Variants in MYO16 observed in about 807,000 individuals in gnomAD.
MYO16 encodes the protein myosin XVI.
MYO16 carries 94 observed loss-of-function variants against 205.3 expected under a neutral mutation model. The observed-to-expected ratio is 0.46, with a 90% CI of 0.39 to 0.54. The LOEUF is 0.54. Among genes scored for constraint, MYO16 ranks in the 20% least tolerant of loss-of-function variants. The pLI is 0.00. For synonymous variants in MYO16, 988 were observed against 954.0 expected (o/e 1.04, Z -0.66); for missense variants, 2,315 against 2,387.5 (o/e 0.97, Z 0.63).
chr13:109,092,826 A>G (rs1024359153), intron 27 of MYO16, among the ~76,000 whole-genome samples: 1 of 152,216 alleles, frequency 6.6e-6, no homozygotes, highest in Non-Finnish European at 1.5e-5. Context: ...GTTCTGCTTT[A>G]TACTGGAAGG....
intron 32 of MYO16, among the ~76,000 whole-genome samples, chr13:109,145,672 T>C (rs576241475): frequency 6.6e-6 from 1 of 152,356 alleles, no homozygotes; most frequent in East Asian, 1.9e-4. Flanking sequence ...TATTTCTAGT[T>C]GCTTGGTTTC....
chr13:109,139,344 C>T (rs1210500765), intron 31 of MYO16, among the ~76,000 whole-genome samples: 1 of 152,342 alleles, frequency 6.6e-6, no homozygotes, highest in Non-Finnish European at 1.5e-5. Context: ...GGCCAGGTCT[C>T]CTGGGTTTCA....
chr13:108,798,226 GA>G (rs1555299775), intron 6 of MYO16, among the ~76,000 whole-genome samples: 4 of 53,962 alleles, frequency 7.4e-5, no homozygotes, highest in African/African-American at 8.2e-5. Context: ...GAGATAAGGA[GA>G]AGAAGACAGT....
At chr13:108,524,275 A>T in the MYO16 span, among the ~76,000 whole-genome samples, 397 of 151,640 alleles carry the variant, frequency 2.6e-3, 3 homozygotes, top group African/African-American at 8.9e-3. Flanking sequence ...ACTCCACTCC[A>T]GCCTCGGCAA....
chr13:108,839,826 C>G (rs1241770544), intron 9 of MYO16, among the ~76,000 whole-genome samples: 1 of 152,116 alleles, frequency 6.6e-6, no homozygotes, highest in Non-Finnish European at 1.5e-5. Context: ...TATCTCTCCT[C>G]CAGGGAACTC....
chr13:109,137,942 C>G (rs548758234), intron 31 of MYO16, among the ~76,000 whole-genome samples: 1 of 152,324 alleles, frequency 6.6e-6, no homozygotes, highest in African/African-American at 2.4e-5. Context: ...GCATCACATT[C>G]TAACATACTG....
Position 108,646,932 on chromosome 13 carries a change from T to G in MYO16, c.28+17060T>G, listed in dbSNP as rs143022453. Among the ~76,000 whole-genome samples the G allele has an allele frequency of 6.0e-3, 919 of 152,260 alleles. 5 individuals carry two copies. Among genetic ancestry groups the G allele is most frequent in the African/African-American group, 0.021 (892 of 41,550 alleles). ...TCTGTAAACTATTCCAGTTGCTTGA[T>G]GGACATTTCCTACTTGAAGCATTGT... On this transcript the variant is annotated intron_variant, in intron 1 of 34. Coordinates refer to ENST00000457511, the MANE Select transcript of MYO16 (RefSeq NM_001198950.3).
chr13:109,173,412 T>C (rs149292576), intron 33 of MYO16, among the ~76,000 whole-genome samples: 8 of 152,326 alleles, frequency 5.3e-5, no homozygotes, highest in Middle Eastern at 3.4e-3. Context: ...TTGCTAAGGA[T>C]GCTTCATAGA....
At chr13:108,872,263 C>A (rs1879106284) in intron 12 of MYO16, among the ~76,000 whole-genome samples, 2 of 152,016 alleles carry the variant, frequency 1.3e-5, no homozygotes, top group Admixed American at 1.3e-4. Flanking sequence ...TAAAAAATGA[C>A]TCTTATTTGG....
intron 3 of MYO16, 144 bp from the exon 4 acceptor site, chr13:108,727,296 G>C: frequency 1.3e-6 from 1 of 747,226 alleles, no homozygotes; most frequent in Non-Finnish European, 2.1e-6. Flanking sequence ...TGGTTAGTTG[G>C]GGAAATACAT....
intron 27 of MYO16, among the ~76,000 whole-genome samples, chr13:109,086,257 G>A (rs2139680156): frequency 6.6e-6 from 1 of 152,296 alleles, no homozygotes; most frequent in African/African-American, 2.4e-5. Context: ...ACAATGCCCA[G>A]CATTCTGTTC....
intron 4 of MYO16, among the ~76,000 whole-genome samples, chr13:108,759,622 C>G (rs925390268): frequency 1.3e-5 from 2 of 152,036 alleles, no homozygotes; most frequent in Non-Finnish European, 2.9e-5. Context: ...GAGATTGAGA[C>G]CATCCTGGCT....
At chr13:108,762,950 T>A (rs879923316) in intron 4 of MYO16, among the ~76,000 whole-genome samples, 5 of 108,404 alleles carry the variant, frequency 4.6e-5, no homozygotes, top group Non-Finnish European at 1.1e-4. Flanking sequence ...TGGATTAACA[T>A]AAACACCAAT....
chr13:109,153,050 A>G (rs1594133200), intron 32 of MYO16, among the ~76,000 whole-genome samples: 1 of 152,134 alleles, frequency 6.6e-6, no homozygotes, highest in Non-Finnish European at 1.5e-5. Context: ...CACATTTTAC[A>G]TAGAGATACT....
chr13:108,968,118 G>A (rs1305229630), intron 20 of MYO16, among the ~76,000 whole-genome samples: 4 of 152,124 alleles, frequency 2.6e-5, no homozygotes, highest in African/African-American at 4.8e-5. Flanking sequence ...TTGGTCTCCC[G>A]CACACAGACA....
intron 27 of MYO16, among the ~76,000 whole-genome samples, chr13:109,096,575 G>A (rs955218403): frequency 5.9e-5 from 9 of 152,194 alleles, no homozygotes; most frequent in African/African-American, 9.7e-5. Flanking sequence ...TGTCTGTGAG[G>A]AGGATGTGAG....
At chr13:108,682,326 G>A (rs1882496268) in intron 2 of MYO16, among the ~76,000 whole-genome samples, 1 of 152,058 alleles carries the variant, frequency 6.6e-6, no homozygotes, top group Admixed American at 6.5e-5. Context: ...ATTGTGAGCA[G>A]TGCAATGTCA....
chr13:108,672,277 A>G (rs1213364523), intron 2 of MYO16, among the ~76,000 whole-genome samples: 4 of 152,194 alleles, frequency 2.6e-5, no homozygotes, highest in Non-Finnish European at 1.5e-5. Flanking sequence ...TAAGCTATTG[A>G]AATAGTCAAA....
chr13:108,762,104 T>C (rs2139658653), intron 4 of MYO16, among the ~76,000 whole-genome samples: 1 of 152,354 alleles, frequency 6.6e-6, no homozygotes, highest in South Asian at 2.1e-4. Flanking sequence ...GGTTTTTGAC[T>C]TTGTTTCTGA....
Sources: allele counts gnomAD v4.1 joint callset (sites outside exome capture counted in the v4.1 genomes callset), GRCh38; gene constraint gnomAD v4.1.1; transcripts MANE v1.5; gene names NCBI Gene and HGNC (gene_info 2026-07-23, HGNC 2026-07-21).